Variants in SYNPR observed in about 807,000 individuals in gnomAD.
SYNPR encodes the protein synaptoporin.
Under a neutral mutation model 32.9 loss-of-function variants are expected in SYNPR, and 23 were observed. The observed-to-expected ratio is 0.70, with a 90% confidence interval of 0.50 to 0.99. The LOEUF is 0.99. Ranked by LOEUF, SYNPR falls within the 50% of genes least tolerant of loss-of-function variation. The pLI, the probability that SYNPR is intolerant of heterozygous loss-of-function variation, is 0.00. For synonymous variants in SYNPR, 146 were observed against 135.9 expected (o/e 1.07, Z -0.52); for missense variants, 318 against 349.3 (o/e 0.91, Z 0.71).
At chr3:63,600,212 C>T (rs568215318) in intron 4 of SYNPR, among the ~76,000 whole-genome samples, 79 of 152,270 alleles carry the variant, frequency 5.2e-4, no homozygotes, top group Non-Finnish European at 9.7e-4. Context: ...AGAGTGCTGG[C>T]GTATAGGAAG....
chr3:63,536,402 A>G (rs996873233), intron 3 of SYNPR, among the ~76,000 whole-genome samples: 6 of 152,190 alleles, frequency 3.9e-5, no homozygotes, highest in Non-Finnish European at 7.4e-5. Flanking sequence ...ATGCAAATCA[A>G]AACTACACTA....
At chr3:63,266,168 T>A (rs1382829369) in intron 2 of SYNPR, among the ~76,000 whole-genome samples, 1 of 152,190 alleles carries the variant, frequency 6.6e-6, no homozygotes, top group Non-Finnish European at 1.5e-5. Context: ...AACCAAAGTG[T>A]GCACATGTTC....
chr3:63,452,039 T>G (rs1241407268), intron 2 of SYNPR: 4 of 700,896 alleles, frequency 5.7e-6, no homozygotes, highest in Non-Finnish European at 1.0e-5. Flanking sequence ...GATATAATTT[T>G]TTTCTCTTTC....
chr3:63,398,490 G>A (rs1434069100), intron 2 of SYNPR, among the ~76,000 whole-genome samples: 2 of 152,020 alleles, frequency 1.3e-5, no homozygotes, highest in Non-Finnish European at 1.5e-5. Flanking sequence ...GGAGGCCAAG[G>A]CGGGCAGATC....
intron 4 of SYNPR, among the ~76,000 whole-genome samples, chr3:63,605,970 G>C (rs547225989): frequency 6.6e-6 from 1 of 152,144 alleles, no homozygotes; most frequent in African/African-American, 2.4e-5. Context: ...GCTTTTATTC[G>C]TGATATAAAA....
intron 4 of SYNPR, among the ~76,000 whole-genome samples, chr3:63,583,737 C>T (rs949622748): frequency 2.0e-5 from 3 of 152,082 alleles, no homozygotes; most frequent in Non-Finnish European, 4.4e-5. Context: ...GCTTTCATCC[C>T]CATTTTCCAA....
intron 2 of SYNPR, among the ~76,000 whole-genome samples, chr3:63,345,863 G>GGAGT (rs2087431020): frequency 6.6e-6 from 1 of 151,672 alleles, no homozygotes; most frequent in African/African-American, 2.4e-5. Context: ...TGCCCAGACT[G>GGAGT]GAGTGCAGTG....
At chr3:63,549,040 A>G (rs1293244865) in intron 3 of SYNPR, among the ~76,000 whole-genome samples, 2 of 152,190 alleles carry the variant, frequency 1.3e-5, no homozygotes, top group Non-Finnish European at 1.5e-5. Flanking sequence ...AAATCACACC[A>G]CAATTATCAC....
At chr3:63,274,596 C>G (rs149383447), upstream of SYNPR, among the ~76,000 whole-genome samples, 97 of 152,292 alleles carry the variant, frequency 6.4e-4, no homozygotes, top group African/African-American at 2.2e-3. Flanking sequence ...GAATGTATTT[C>G]TTACTACAGT....
intron 4 of SYNPR, among the ~76,000 whole-genome samples, chr3:63,565,517 A>T (rs1048555856): frequency 6.6e-6 from 1 of 152,170 alleles, no homozygotes; most frequent in African/African-American, 2.4e-5. Context: ...AGCCTCTTTT[A>T]AAAAGGCCTT....
At chr3:63,394,171 C>T (rs1177520297) in intron 2 of SYNPR, among the ~76,000 whole-genome samples, 2 of 152,146 alleles carry the variant, frequency 1.3e-5, no homozygotes, top group African/African-American at 4.8e-5. Flanking sequence ...TGGAATAGGA[C>T]AGACCTGAAT....
chr3:63,583,810 T>C (rs73834614), intron 4 of SYNPR, among the ~76,000 whole-genome samples: 6 of 152,220 alleles, frequency 3.9e-5, no homozygotes, highest in African/African-American at 1.4e-4. Flanking sequence ...TTCCCATAGG[T>C]GTGAGTGGTG....
At chr3:63,514,330 G>A (rs9877280) in intron 3 of SYNPR, among the ~76,000 whole-genome samples, 3 of 152,202 alleles carry the variant, frequency 2.0e-5, no homozygotes, top group Admixed American at 6.5e-5. Context: ...GGTGAGTAAC[G>A]TGCCATTGCA....
intron 2 of SYNPR, chr3:63,426,634 G>T (rs954220224): frequency 6.6e-6 from 1 of 152,108 alleles, no homozygotes; most frequent in Non-Finnish European, 1.5e-5. Context: ...TAGCAGAGGG[G>T]ATTTTAGTAT....
At chr3:63,419,884 T>G (rs1349484900) in intron 2 of SYNPR, among the ~76,000 whole-genome samples, 1 of 152,244 alleles carries the variant, frequency 6.6e-6, no homozygotes, top group Non-Finnish European at 1.5e-5. Flanking sequence ...TATATTCATT[T>G]TCTTTGTTGA....
chr3:63,488,275 G>A (rs1358176634), intron 3 of SYNPR, among the ~76,000 whole-genome samples: 1 of 152,070 alleles, frequency 6.6e-6, no homozygotes, highest in Non-Finnish European at 1.5e-5. Flanking sequence ...ATTACCAAAG[G>A]GTTTCACTCT....
At chr3:63,402,859 A>G (rs1044938265) in intron 2 of SYNPR, among the ~76,000 whole-genome samples, 6 of 152,216 alleles carry the variant, frequency 3.9e-5, no homozygotes, top group African/African-American at 1.2e-4. Context: ...TGGTGATGCA[A>G]GTGTGGAAGT....
At chr3:63,356,895 GA>G (rs1472471708) in intron 2 of SYNPR, among the ~76,000 whole-genome samples, 1 of 152,196 alleles carries the variant, frequency 6.6e-6, no homozygotes, top group Non-Finnish European at 1.5e-5. Flanking sequence ...TTACAATACA[GA>G]AGTTAAGCAG....
chr3:63,546,280 C>T (rs1190584047), intron 3 of SYNPR, among the ~76,000 whole-genome samples: 2 of 152,112 alleles, frequency 1.3e-5, no homozygotes, highest in East Asian at 3.9e-4. Flanking sequence ...CCCTTTTACT[C>T]CAGATCATAC....
Sources: allele counts gnomAD v4.1 joint callset (sites outside exome capture counted in the v4.1 genomes callset), GRCh38; gene constraint gnomAD v4.1.1; transcripts MANE v1.5; gene names NCBI Gene and HGNC (gene_info 2026-07-23, HGNC 2026-07-21).